Variants in COQ3 observed in about 807,000 individuals in gnomAD.
COQ3 encodes the protein coenzyme Q3, methyltransferase.
A neutral mutation model predicts 33.1 loss-of-function variants in COQ3; 29 were observed. The observed-to-expected ratio is 0.88, with a 90% CI of 0.65 to 1.19. The LOEUF (loss-of-function observed/expected upper bound fraction) is 1.19, where lower values mean the gene tolerates loss of function less well. Among genes scored for constraint, COQ3 ranks in the 50% most tolerant of loss-of-function variants. The pLI is 0.00. For synonymous variants in COQ3, 173 were observed against 157.8 expected (o/e 1.10, Z -0.72); for missense variants, 437 against 430.7 (o/e 1.01, Z -0.13).
chr6:99,370,288 C>A (rs1774091072), intron 6 of COQ3, among the ~76,000 whole-genome samples: 1 of 151,402 alleles, frequency 6.6e-6, no homozygotes, highest in Non-Finnish European at 1.5e-5. Context: ...CCCCATAACA[C>A]ATCTTTAAAA....
In COQ3 at chr6:99,371,527, T is replaced by A; in HGVS notation, c.790A>T (p.Ile264Phe). Reference protein sequence around the residue: ...NKTQLSYALGIVFSEQIASIV... With the variant: ...NKTQLSYALGFVFSEQIASIV... ...CTTGCAATTTGCTCTGAAAAAACAA[T>A]TCCCAAGGCATAGGAAAGTTGTGTT... Residue 264 changes from isoleucine (I) to phenylalanine (F), a missense_variant, in exon 6 of 7, where the codon ATT (isoleucine) becomes TTT (phenylalanine). Coordinates refer to ENST00000254759, the MANE Select transcript of COQ3 (RefSeq NM_017421.4). 6.2e-7 allele frequency: 1 copy of A among 1,608,018 alleles called. No individual in the cohort carries two copies. Among genetic ancestry groups the A allele is most frequent in the Non-Finnish European group, 8.5e-7 (1 of 1,176,840 alleles).
chr6:99,383,846 C>G lies in COQ3; in HGVS notation c.107-22G>C, dbSNP rs775785390. ...TAAACTGAAAAAAAAAATTAAATAT[C>G]TAGAGAAAAGCTTTGCACAGTAAGA... On this transcript the variant is annotated intron_variant, in intron 1 of 6. Coordinates refer to ENST00000254759, the MANE Select transcript of COQ3 (RefSeq NM_017421.4). 4 of 1,545,718 alleles carry G rather than the reference C, an allele frequency of 2.6e-6. No individual in the cohort carries two copies. In the African/African-American group the frequency reaches 5.6e-5, roughly 22 times the overall value.
At chr6:99,375,728 T>C (rs950053559) in intron 5 of COQ3, among the ~76,000 whole-genome samples, 13 of 152,098 alleles carry the variant, frequency 8.5e-5, no homozygotes, top group Non-Finnish European at 7.4e-5. Context: ...AAGATATTAA[T>C]AGGACACAGG....
intron 1 of COQ3, among the ~76,000 whole-genome samples, chr6:99,386,537 T>C (rs901623433): frequency 3.3e-4 from 50 of 151,684 alleles, no homozygotes; most frequent in Non-Finnish European, 7.1e-4. Context: ...ACCGCAAAAA[T>C]CAATAAAATT....
In COQ3 at chr6:99,371,583, C is replaced by A; in HGVS notation, c.734G>T (p.Gly245Val). ...LQCCCQVLKPGGSLFITTINK... is the reference protein window; with the variant it reads ...LQCCCQVLKPVGSLFITTINK... ...GATTGTAGTAATGAATAAAGAACCA[C>A]CGGGCTAAAAGAAATGAAATTATAT... is the stretch of plus-strand genomic sequence containing the variant. The change falls in exon 6 of 7, where the codon GGT becomes GTT. Residue 245 changes from glycine to valine, a missense_variant. Physicochemically the swap from Gly to Val is moderately radical, Grantham distance 109 (BLOSUM62 -3). Transcript: ENST00000254759. 1.3e-6 allele frequency: 2 copies of A among 1,587,356 alleles called. No homozygotes were observed. The highest frequency in any genetic ancestry group is 1.8e-5 in the Admixed American group (1 of 55,198).
At chr6:99,373,564 C>T (rs534959543) in intron 5 of COQ3, among the ~76,000 whole-genome samples, 1 of 152,128 alleles carries the variant, frequency 6.6e-6, no homozygotes, top group Admixed American at 6.5e-5. Flanking sequence ...AGTTTTAAAC[C>T]CTACAATGCC....
chr6:99,370,473 C>T (rs189997980), intron 6 of COQ3, among the ~76,000 whole-genome samples: 81 of 150,568 alleles, frequency 5.4e-4, no homozygotes, highest in African/African-American at 1.9e-3. Context: ...CTCAGACTCT[C>T]GAGGAGCTGG....
chr6:99,390,851 G>A (rs1009317903), intron 1 of COQ3, among the ~76,000 whole-genome samples: 17 of 152,056 alleles, frequency 1.1e-4, no homozygotes, highest in Admixed American at 1.0e-3. Context: ...TGGGCCCCGT[G>A]CCCAGTTAAT....
At chr6:99,383,036 G>C (rs1241707987) in intron 2 of COQ3, 2 of 152,218 alleles carry the variant, frequency 1.3e-5, no homozygotes, top group Admixed American at 6.6e-5. Context: ...GGGAGGCTCA[G>C]GCAGGAGAAT....
rs1187233332 is a variant in COQ3, at chr6:99,394,069, C to G, written c.106+5G>C. The G allele has an allele frequency of 1.2e-6, 2 of 1,611,882 alleles. No homozygotes were observed. Among genetic ancestry groups the G allele is most frequent in the Non-Finnish European group, 1.7e-6 (2 of 1,178,136 alleles). On this transcript the variant is annotated splice_donor_5th_base_variant and intron_variant, in intron 1 of 6. Transcript: ENST00000254759. ...CATGCGAAGGACCTCCGCACACACA[C>G]TCACCCGCCGAGGAAATTAAGGGAC...
chr6:99,377,237 A>G, intron 4 of COQ3, 149 bp downstream of exon 4: 1 of 636,530 alleles, frequency 1.6e-6, no homozygotes. Context: ...CTCGATCTCC[A>G]GACCTCAGGT....
In COQ3 at chr6:99,369,621, C is replaced by A; in HGVS notation, c.1089G>T (p.Val363=). 1.9e-6 allele frequency: 3 copies of A among 1,613,412 alleles called. No homozygotes were observed. The highest frequency in any genetic ancestry group is 2.5e-6 in the Non-Finnish European group (3 of 1,179,558). Residue 363 remains valine, a synonymous_variant, in exon 7 of 7, where the codon GTG becomes GTT. Transcript: ENST00000254759. ...LQANACTNPA[V]HEKLKK Reference sequence around the variant, plus strand: ...CAATTCATTTCTTCAGCTTTTCATGCACAGCTGGATTGGTGCAGGCATTAG... The same window carrying A: ...CAATTCATTTCTTCAGCTTTTCATGAACAGCTGGATTGGTGCAGGCATTAG...
intron 1 of COQ3, among the ~76,000 whole-genome samples, chr6:99,389,108 T>C (rs904712158): frequency 2.6e-5 from 4 of 151,890 alleles, no homozygotes; most frequent in African/African-American, 9.7e-5. Flanking sequence ...CTCTGTGTGT[T>C]TGGGGTTTTT....
chr6:99,371,397 G>A, intron 6 of COQ3, 31 bp downstream of exon 6: 3 of 1,528,036 alleles, frequency 2.0e-6, no homozygotes, highest in Non-Finnish European at 2.6e-6. Flanking sequence ...GCTAGGCCTG[G>A]AAAATTGGAA....
chr6:99,372,497 AACCTCC>A (rs1774169612), intron 5 of COQ3, among the ~76,000 whole-genome samples: 1 of 151,334 alleles, frequency 6.6e-6, no homozygotes, highest in East Asian at 2.0e-4. Flanking sequence ...AGCTTACTGC[AACCTCC>A]ACCTCCCGGG....
chr6:99,375,848 A>C, intron 5 of COQ3, 92 bp downstream of exon 5: 1 of 1,351,502 alleles, frequency 7.4e-7, no homozygotes, highest in Non-Finnish European at 1.0e-6. Flanking sequence ...TGCCTGCTGG[A>C]CTGCTAATGC....
chr6:99,371,609 A>G, intron 5 of COQ3, 22 bp from the exon 6 acceptor site: 1 of 1,514,664 alleles, frequency 6.6e-7, no homozygotes, highest in Non-Finnish European at 9.0e-7. Flanking sequence ...GAAATTATAT[A>G]GAAGTAAAAT....
intron 4 of COQ3, among the ~76,000 whole-genome samples, chr6:99,377,022 G>C (rs1300444709): frequency 2.2e-5 from 3 of 136,966 alleles, no homozygotes; most frequent in Non-Finnish European, 4.8e-5. Context: ...GTGTGTGTGT[G>C]TATGTGTGAC....
Position 99,394,036 on chromosome 6 carries a change from A to T in COQ3, c.106+38T>A, listed in dbSNP as rs199884593. ...ATGCGCAGAGACGCCAGCGCTCGCA[A>T]TTGACTGCATGCGAAGGACCTCCGC... On this transcript the variant is annotated intron_variant, in intron 1 of 6. Coordinates refer to ENST00000254759, the MANE Select transcript of COQ3 (RefSeq NM_017421.4). The T allele has an allele frequency of 1.7e-4, 267 of 1,558,610 alleles. 1 individual carries two copies. The highest frequency in any genetic ancestry group is 4.2e-4 in the Admixed American group (25 of 59,956).
Sources: gnomAD v4.1 joint callset for allele counts (sites outside exome capture counted in the v4.1 genomes callset) on GRCh38, gnomAD v4.1.1 for gene constraint, MANE v1.5 for transcripts, NCBI Gene and HGNC (gene_info 2026-07-23, HGNC 2026-07-21) for gene names.